EPHB1: variants seen among roughly 807,000 people sequenced by gnomAD.
EPHB1 encodes the protein EPH receptor B1.
A neutral mutation model predicts 94.4 loss-of-function variants in EPHB1; 30 were observed. The observed-to-expected ratio is 0.32, with a 90% confidence interval of 0.24 to 0.43. The LOEUF is 0.43. Among genes scored for constraint, EPHB1 ranks in the 20% least tolerant of loss-of-function variants. The pLI is 1.00. For missense variants in EPHB1, 1,055 were observed against 1,308.3 expected (o/e 0.81, Z 2.99); for synonymous variants, 522 against 489.1 (o/e 1.07, Z -0.89).
At chr3:135,118,222 AC>A (rs1939792772) in intron 4 of EPHB1, among the ~76,000 whole-genome samples, 1 of 152,174 alleles carries the variant, frequency 6.6e-6, no homozygotes, top group African/African-American at 2.4e-5. Flanking sequence ...GTTGTGAAGC[AC>A]CAAGTCTTCG....
chr3:134,873,674 C>T (rs181466898), intron 1 of EPHB1, among the ~76,000 whole-genome samples: 3 of 152,178 alleles, frequency 2.0e-5, no homozygotes, highest in African/African-American at 4.8e-5. Context: ...AGGGTTTGCA[C>T]GGTAGTGCCA....
chr3:134,831,314 C>T (rs1578121642), intron 1 of EPHB1, among the ~76,000 whole-genome samples: 2 of 152,302 alleles, frequency 1.3e-5, no homozygotes, highest in South Asian at 4.1e-4. Context: ...GAGCTATGGC[C>T]TGTTGAGCAG....
intron 3 of EPHB1, among the ~76,000 whole-genome samples, chr3:135,050,143 C>T (rs1273387576): frequency 6.6e-6 from 1 of 152,216 alleles, no homozygotes; most frequent in Admixed American, 6.5e-5. Flanking sequence ...TATAGAGATA[C>T]ATTCAAGACA....
Position 135,259,066 on chromosome 3 carries a change from C to G in EPHB1, c.2901C>G (p.Asn967Lys). The G allele has an allele frequency of 6.2e-7, 1 of 1,610,960 alleles. No individual in the cohort carries two copies. The highest frequency in any genetic ancestry group is 1.1e-5 in the South Asian group (1 of 89,796). ...TLAGHQKKIL[N>K]SIHSMRVQIS... ...CAGGCCATCAGAAGAAGATCCTGAA[C>G]AGCATTCATTCTATGAGGGTCCAGA... is the stretch of plus-strand genomic sequence containing the variant. The change falls in exon 16 of 16, where the codon AAC becomes AAG. Residue 967 changes from asparagine (N) to lysine (K), a missense_variant. By Grantham distance (94) the Asn-to-Lys change is moderately conservative. Transcript: ENST00000398015.
intron 3 of EPHB1, among the ~76,000 whole-genome samples, chr3:135,079,658 C>T (rs1286251641): frequency 4.6e-5 from 7 of 152,194 alleles, no homozygotes; most frequent in Middle Eastern, 3.4e-3. Context: ...TTCTCTTCAG[C>T]TTGATTGTTA....
chr3:135,077,882 C>T (rs1051415458), intron 3 of EPHB1, among the ~76,000 whole-genome samples: 1 of 152,180 alleles, frequency 6.6e-6, no homozygotes, highest in African/African-American at 2.4e-5. Context: ...TGATCTTTGC[C>T]ATTGGTTTAG....
At chr3:135,070,625 G>C (rs561082068) in intron 3 of EPHB1, among the ~76,000 whole-genome samples, 1 of 152,042 alleles carries the variant, frequency 6.6e-6, no homozygotes, top group Non-Finnish European at 1.5e-5. Flanking sequence ...ATTATTATGA[G>C]GAGTTTGGGA....
intron 1 of EPHB1, among the ~76,000 whole-genome samples, chr3:134,915,736 G>C (rs980575298): frequency 4.6e-5 from 7 of 152,044 alleles, no homozygotes; most frequent in African/African-American, 1.7e-4. Context: ...CGCGTCCGGA[G>C]TTGTTCTTTA....
intron 1 of EPHB1, among the ~76,000 whole-genome samples, chr3:134,884,732 C>T (rs1304558536): frequency 3.3e-5 from 5 of 152,164 alleles, no homozygotes; most frequent in Non-Finnish European, 7.3e-5. Context: ...AGGTATGGGG[C>T]ACGGTGGAAT....
chr3:134,915,178 C>CA (rs1017395819), intron 1 of EPHB1, among the ~76,000 whole-genome samples: 5 of 152,072 alleles, frequency 3.3e-5, no homozygotes, highest in African/African-American at 1.2e-4. Context: ...CTGTCCCTCA[C>CA]AAAAAAGATA....
chr3:134,956,353 G>T (rs1008695880), intron 3 of EPHB1, among the ~76,000 whole-genome samples: 2 of 152,132 alleles, frequency 1.3e-5, no homozygotes, highest in Non-Finnish European at 2.9e-5. Flanking sequence ...AGTCCTTGGA[G>T]TTTCCAGAAG....
At chr3:135,134,994 G>A (rs137879116) in intron 5 of EPHB1, among the ~76,000 whole-genome samples, 9 of 152,214 alleles carry the variant, frequency 5.9e-5, no homozygotes, top group South Asian at 2.1e-4. Context: ...CAAGGCTCTT[G>A]CAAGGGGCCC....
chr3:134,874,186 A>T (rs913121301), intron 1 of EPHB1, among the ~76,000 whole-genome samples: 1 of 152,368 alleles, frequency 6.6e-6, no homozygotes, highest in Admixed American at 6.5e-5. Context: ...CTATGCAGCC[A>T]TAAAAAGGAA....
intron 9 of EPHB1, among the ~76,000 whole-genome samples, chr3:135,177,462 C>G (rs972876797): frequency 2.6e-5 from 4 of 152,140 alleles, no homozygotes; most frequent in Admixed American, 2.6e-4. Flanking sequence ...TACAACAGGC[C>G]AAGCAGCCCC....
rs573809241 is a variant in EPHB1, at chr3:135,259,385, A to G, written c.*265A>G. The stretch of plus-strand genomic sequence containing the variant: ...GTTCAACAGAAGTGAAGACAAAACA[A>G]TATGCATCAGGAGAACAAGAGTAAA... On this transcript the variant is annotated 3_prime_UTR_variant, in exon 16 of 16. Transcript: ENST00000398015. 7.5e-4 allele frequency: 224 copies of G among 298,024 alleles called. 8 individuals are homozygous for G. In the South Asian group the frequency reaches 0.017, roughly 22 times the overall value. The allele number at this position is 298,024 out of a possible 1,614,324, so 18.5% of individuals were successfully genotyped here. A position where few individuals can be genotyped will look rare whatever the true frequency, so the allele number is the denominator to read the frequency against.
chr3:134,818,149 C>T (rs947245523), intron 1 of EPHB1, among the ~76,000 whole-genome samples: 1 of 152,188 alleles, frequency 6.6e-6, no homozygotes. Context: ...ATCTCACACT[C>T]CTAGGTGATT....
At chr3:135,192,156 G>C (rs1481638179) in intron 10 of EPHB1, among the ~76,000 whole-genome samples, 1 of 152,202 alleles carries the variant, frequency 6.6e-6, no homozygotes, top group Non-Finnish European at 1.5e-5. Context: ...CATTCAGAGG[G>C]CCAAAGTACC....
intron 3 of EPHB1, among the ~76,000 whole-genome samples, chr3:135,012,727 C>A (rs767317913): frequency 1.3e-5 from 2 of 152,176 alleles, no homozygotes; most frequent in Non-Finnish European, 2.9e-5. Flanking sequence ...CTGTCTCCTG[C>A]AGCTGTAGGA....
At chr3:134,902,369 CCA>C (rs2038220059) in intron 1 of EPHB1, among the ~76,000 whole-genome samples, 3 of 152,046 alleles carry the variant, frequency 2.0e-5, no homozygotes, top group Non-Finnish European at 4.4e-5. Context: ...AAGGTGCCAC[CCA>C]GTGAGATGGG....
Sources: gnomAD v4.1 joint callset for allele counts (sites outside exome capture counted in the v4.1 genomes callset) on GRCh38, gnomAD v4.1.1 for gene constraint, MANE v1.5 for transcripts, NCBI Gene and HGNC (gene_info 2026-07-23, HGNC 2026-07-21) for gene names.